The following IMMP2L variants were observed in gnomAD, a reference collection of about 807,000 sequenced individuals.
IMMP2L encodes inner mitochondrial membrane peptidase subunit 2.
IMMP2L carries 18 observed loss-of-function variants against 19.3 expected under a neutral mutation model. That is an observed-to-expected ratio of 0.93 (90% confidence interval 0.64 to 1.38). The LOEUF (loss-of-function observed/expected upper bound fraction) is 1.38, where lower values mean the gene tolerates loss of function less well. IMMP2L is among the 40% of genes most tolerant of loss of function. The pLI is 0.00. For missense variants in IMMP2L, 233 were observed against 218.2 expected (o/e 1.07, Z -0.43); for synonymous variants, 76 against 73.0 (o/e 1.04, Z -0.21).
rs577306568 is a variant in IMMP2L, at chr7:111,506,790, T to C, written c.135+14523A>G. Among the ~76,000 whole-genome samples the C allele has an allele frequency of 5.5e-4, 84 of 152,328 alleles. 1 individual carries two copies. The highest frequency in any genetic ancestry group is 3.4e-3 in the Middle Eastern group (1 of 294). On this transcript the variant is annotated intron_variant, in intron 2 of 5. Transcript: ENST00000405709. ...GAGTTTACAATATATTTTGTCTAAT[T>C]AAAAAGATATACTAAGTACCACCTT... is the stretch of plus-strand genomic sequence containing the variant.
intron 3 of IMMP2L, among the ~76,000 whole-genome samples, chr7:111,468,275 G>A (rs1398888768): frequency 6.6e-6 from 1 of 152,074 alleles, no homozygotes; most frequent in Non-Finnish European, 1.5e-5. Flanking sequence ...TTACCTGGAT[G>A]TTATTAACCC....
chr7:111,269,685 G>A (rs1211180990), intron 3 of IMMP2L, among the ~76,000 whole-genome samples: 3 of 151,970 alleles, frequency 2.0e-5, no homozygotes. Context: ...GAAAGAAGAT[G>A]TAACAAATTA....
intron 5 of IMMP2L, among the ~76,000 whole-genome samples, chr7:110,835,429 T>C (rs997486672): frequency 6.6e-6 from 1 of 152,132 alleles, no homozygotes. Context: ...GATCAAAGAC[T>C]CTTGGAAAGC....
chr7:111,124,449 G>A (rs778004295), intron 3 of IMMP2L: 1 of 1,613,842 alleles, frequency 6.2e-7, no homozygotes, highest in Non-Finnish European at 8.5e-7. Context: ...CCTTTGTCAA[G>A]ACTGAAAATT....
chr7:111,287,652 GT>G (rs1820641903), intron 3 of IMMP2L, among the ~76,000 whole-genome samples: 1 of 152,204 alleles, frequency 6.6e-6, no homozygotes, highest in Middle Eastern at 3.4e-3. Context: ...TTTGTTCAAA[GT>G]TGTTATGAAA....
At chr7:111,357,783 G>T (rs1333120886) in intron 3 of IMMP2L, among the ~76,000 whole-genome samples, 1 of 151,984 alleles carries the variant, frequency 6.6e-6, no homozygotes. Flanking sequence ...TCATCATGAA[G>T]AAATTATATA....
At chr7:111,003,124 G>C (rs1376093178) in intron 3 of IMMP2L, among the ~76,000 whole-genome samples, 3 of 152,090 alleles carry the variant, frequency 2.0e-5, no homozygotes, top group African/African-American at 7.2e-5. Context: ...CTTAGTTTAT[G>C]TTAGCATTTA....
chr7:111,347,331 G>A (rs1024486475), intron 3 of IMMP2L, among the ~76,000 whole-genome samples: 1 of 151,990 alleles, frequency 6.6e-6, no homozygotes, highest in African/African-American at 2.4e-5. Flanking sequence ...ATTTTTATGG[G>A]TACACAAGCA....
rs1013612455 is a variant in IMMP2L, at chr7:110,728,227, G to A, written c.409-64506C>T. On this transcript the variant is annotated intron_variant, in intron 5 of 5. Coordinates refer to ENST00000405709, the MANE Select transcript of IMMP2L (RefSeq NM_032549.4). This position sits in a 1 kb window ranked among gnomAD's most constrained non-coding sequence, Gnocchi z 4.6. ...AATAATCTTAAAGGCGACTGGGAGT[G>A]GTGGTTCACGCCTGTAATCCCAGCA... Among the ~76,000 whole-genome samples the A allele has an allele frequency of 6.6e-6, 1 of 152,178 alleles. No individual in the cohort carries two copies.
chr7:110,775,265 G>GTGTGTGTT (rs1020442906), intron 5 of IMMP2L, among the ~76,000 whole-genome samples: 7 of 151,600 alleles, frequency 4.6e-5, no homozygotes, highest in Non-Finnish European at 8.8e-5. Flanking sequence ...GTGTGTGTGT[G>GTGTGTGTT]TGTGTGTGTG....
intron 5 of IMMP2L, among the ~76,000 whole-genome samples, chr7:110,824,767 A>G (rs553558446): frequency 6.6e-6 from 1 of 152,268 alleles, no homozygotes; most frequent in African/African-American, 2.4e-5. Context: ...ATACCACAGT[A>G]CTTTTCTCAA....
At chr7:111,471,296 T>A (rs1408838966) in intron 3 of IMMP2L, among the ~76,000 whole-genome samples, 1 of 152,028 alleles carries the variant, frequency 6.6e-6, no homozygotes, top group African/African-American at 2.4e-5. Flanking sequence ...TACCCGCAAA[T>A]CTTGACAGAT....
At chr7:110,867,834 C>T (rs573104430) in intron 5 of IMMP2L, among the ~76,000 whole-genome samples, 8 of 152,148 alleles carry the variant, frequency 5.3e-5, no homozygotes, top group Non-Finnish European at 1.2e-4. Flanking sequence ...AAATGCCATT[C>T]TCTGAAGCTG....
intron 3 of IMMP2L, among the ~76,000 whole-genome samples, chr7:111,302,280 G>A (rs1224671288): frequency 6.6e-6 from 1 of 152,060 alleles, no homozygotes; most frequent in Non-Finnish European, 1.5e-5. Flanking sequence ...AGCACTACCT[G>A]AAAATTTTAT....
chr7:110,948,970 T>C (rs1817522645), intron 4 of IMMP2L, among the ~76,000 whole-genome samples: 1 of 152,134 alleles, frequency 6.6e-6, no homozygotes, highest in Non-Finnish European at 1.5e-5. Flanking sequence ...TCTTTGGCAT[T>C]TGCACCCCAC....
At chr7:111,197,037 T>C (rs1280881958) in intron 3 of IMMP2L, among the ~76,000 whole-genome samples, 2 of 152,196 alleles carry the variant, frequency 1.3e-5, no homozygotes, top group African/African-American at 2.4e-5. Flanking sequence ...TTGAATCCTC[T>C]TATATTCACA....
Position 110,924,054 on chromosome 7 carries a change from T to C in IMMP2L, c.306-37359A>G, listed in dbSNP as rs1255393738. Among the ~76,000 whole-genome samples, 3 of 152,204 alleles carry C rather than the reference T, an allele frequency of 2.0e-5. No individual in the cohort carries two copies. Among genetic ancestry groups the C allele is most frequent in the Non-Finnish European group, 2.9e-5 (2 of 68,034 alleles). ...CAGTCTCAAGTTTACCTGAGTCTAA[T>C]GTATGACAAAGGAATGATTCCCATG... is the stretch of plus-strand genomic sequence containing the variant. On this transcript the variant is annotated intron_variant, in intron 4 of 5. Coordinates refer to ENST00000405709, the MANE Select transcript of IMMP2L (RefSeq NM_032549.4). The surrounding 1 kb of genome is among the most constrained non-coding windows in gnomAD (Gnocchi z 4.2).
intron 4 of IMMP2L, among the ~76,000 whole-genome samples, chr7:110,900,338 A>T (rs187501017): frequency 1.3e-5 from 2 of 152,284 alleles, no homozygotes; most frequent in Admixed American, 1.3e-4. Context: ...GCCAGACAGA[A>T]AACCATAGCA....
chr7:111,083,647 C>T (rs1796069843), intron 3 of IMMP2L, among the ~76,000 whole-genome samples: 1 of 152,174 alleles, frequency 6.6e-6, no homozygotes, highest in Non-Finnish European at 1.5e-5. Flanking sequence ...AGTTCACCAA[C>T]CCCAGTTTCC....
Sources: gnomAD v4.1 joint callset for allele counts (sites outside exome capture counted in the v4.1 genomes callset) on GRCh38, gnomAD v4.1.1 for gene constraint, Gnocchi (gnomAD v3.1) non-coding constraint, MANE v1.5 for transcripts, NCBI Gene and HGNC (gene_info 2026-07-23, HGNC 2026-07-21) for gene names.